CHD5: variants seen among roughly 807,000 people sequenced by gnomAD.
CHD5 encodes the protein ATP-dependent chromatin remodeler CHD5.
A neutral mutation model predicts 230.3 loss-of-function variants in CHD5; 69 were observed. The observed-to-expected ratio is 0.30, with a 90% CI of 0.25 to 0.37. The LOEUF is 0.37. CHD5 is among the 10% of genes least tolerant of loss of function. The pLI, the probability that CHD5 is intolerant of heterozygous loss-of-function variation, is 1.00. For missense variants in CHD5, 1,827 were observed against 2,622.8 expected (o/e 0.70, Z 6.63); for synonymous variants, 1,064 against 1,065.9 (o/e 1.00, Z 0.03).
At chr1:6,139,626 C>G (rs1476914167) in intron 15 of CHD5, among the ~76,000 whole-genome samples, 1 of 151,764 alleles carries the variant, frequency 6.6e-6, no homozygotes, top group African/African-American at 2.4e-5. Flanking sequence ...TCATGGCGCA[C>G]TACAGCCTCG....
At chr1:6,139,836 C>CA (rs1242898616) in intron 15 of CHD5, among the ~76,000 whole-genome samples, 1 of 152,214 alleles carries the variant, frequency 6.6e-6, no homozygotes. Flanking sequence ...GGCAGGGTCC[C>CA]AGTGTGGCTC....
chr1:6,116,308 G>C (rs1268483529), intron 33 of CHD5, among the ~76,000 whole-genome samples: 1 of 152,076 alleles, frequency 6.6e-6, no homozygotes, highest in East Asian at 1.9e-4. Flanking sequence ...ATGAGTAATA[G>C]GAATTCCAGA....
At chr1:6,113,445 G>A in intron 33 of CHD5, 1 of 303,260 alleles carries the variant, frequency 3.3e-6, no homozygotes, top group Non-Finnish European at 6.8e-6. Context: ...GCACACAGAA[G>A]ATGAGTTCCC....
At chr1:6,106,838 GAGT>G in intron 38 of CHD5, 59 bp from the exon 39 acceptor site, 1 of 1,088,008 alleles carries the variant, frequency 9.2e-7, no homozygotes, top group South Asian at 1.4e-5. Flanking sequence ...AGGGATGGAG[GAGT>G]GGAAGGATGG....
chr1:6,102,086 G>C lies in CHD5; in HGVS notation c.*3388C>G. 2.6e-6 allele frequency: 1 copy of C among 386,356 alleles called. No homozygotes were observed. The highest frequency in any genetic ancestry group is 1.8e-5 in the South Asian group (1 of 54,426). 23.9% of individuals were successfully genotyped at this position (386,356 alleles called of 1,614,324 possible). The stretch of plus-strand genomic sequence containing the variant: ...TCTTAGCTGGGCCTGGGCCGGTGGA[G>C]TCTGCTCCCTCCACACCCCTGAACT... On this transcript the variant is annotated 3_prime_UTR_variant, in exon 42 of 42. Transcript: ENST00000262450.
rs375286553 is a variant in CHD5, at chr1:6,134,983, C to A, written c.2871-124G>T. The A allele has an allele frequency of 6.2e-6, 8 of 1,296,828 alleles. No homozygotes were observed. The East Asian group carries it at 9.3e-5, about 15-fold the overall frequency. The allele number at this position is 1,296,828 out of a possible 1,614,324, so 80.3% of individuals were successfully genotyped here. On this transcript the variant is annotated intron_variant, in intron 18 of 41. Transcript: ENST00000262450. The surrounding 1 kb of genome is among the most constrained non-coding windows in gnomAD (Gnocchi z 6.3). ...CATTTACAGAGAGACCCAAGGGACC[C>A]CCAAGAGGTGAAGCCACCGGCCTGG...
chr1:6,171,507 G>GC (rs112161942), intron 1 of CHD5, among the ~76,000 whole-genome samples: 31,203 of 151,458 alleles, frequency 0.21, 6,829 homozygotes, highest in African/African-American at 0.55. Flanking sequence ...CTATGACACT[G>GC]CCCCCCCCAA....
At chr1:6,112,086 T>A (rs919000468) in intron 35 of CHD5, 54 bp downstream of exon 35, 1 of 1,592,704 alleles carries the variant, frequency 6.3e-7, no homozygotes, top group Non-Finnish European at 8.6e-7. Context: ...TCTAGACTCC[T>A]GGGACCCACA....
chr1:6,107,037 T>C, intron 38 of CHD5, among the ~76,000 whole-genome samples: 1 of 61,610 alleles, frequency 1.6e-5, no homozygotes, highest in Non-Finnish European at 3.1e-5. Context: ...GGAGGGAAGA[T>C]GGAGGGATGG....
At position 6,125,175 on chromosome 1, in the gene CHD5, C is replaced by T; in HGVS notation, c.4319G>A (p.Gly1440Asp). 6.2e-7 allele frequency: 1 copy of T among 1,606,808 alleles called. No homozygotes were observed. Among genetic ancestry groups the T allele is most frequent in the Non-Finnish European group, 8.5e-7 (1 of 1,177,450 alleles). ...GTTGAAGGCGTCCTGCGGGGGCATG[C>T]CCCAGCGCATGATGGCGTTCAGAAA... ...KAFLNAIMRW[G>D]MPPQDAFNSH... The change falls in exon 29 of 42, where the codon GGC becomes GAC. Residue 1440 changes from glycine to aspartate, a missense_variant. By Grantham distance (94) the Gly-to-Asp change is moderately conservative. Coordinates refer to ENST00000262450, the MANE Select transcript of CHD5 (RefSeq NM_015557.3). This position sits in a 1 kb window ranked among gnomAD's most constrained non-coding sequence, Gnocchi z 6.7.
intron 35 of CHD5, 28 bp downstream of exon 35, chr1:6,112,112 C>T: frequency 6.2e-7 from 1 of 1,608,744 alleles, no homozygotes; most frequent in Non-Finnish European, 8.5e-7. Flanking sequence ...GAAGCCTCAG[C>T]TCTCTGCCCA....
intron 1 of CHD5, among the ~76,000 whole-genome samples, chr1:6,179,637 C>T (rs1667482113): frequency 6.7e-6 from 1 of 149,990 alleles, no homozygotes; most frequent in African/African-American, 2.4e-5. Context: ...CTGACCCTGA[C>T]AGCGCCGCGC....
intron 3 of CHD5, among the ~76,000 whole-genome samples, chr1:6,158,951 G>A (rs1488703462): frequency 9.8e-5 from 13 of 132,920 alleles, no homozygotes; most frequent in Non-Finnish European, 1.5e-5. Context: ...AGCTTGCAGT[G>A]AGCCGAGATC....
chr1:6,161,248 T>C (rs1038547369), intron 2 of CHD5, among the ~76,000 whole-genome samples: 3 of 152,008 alleles, frequency 2.0e-5, no homozygotes, highest in South Asian at 2.1e-4. Context: ...CAGGCCACAC[T>C]GTCAAGAGGG....
intron 6 of CHD5, 116 bp downstream of exon 6, chr1:6,152,296 G>T (rs1883605): frequency 2.5e-6 from 3 of 1,213,520 alleles, no homozygotes; most frequent in South Asian, 1.4e-5. Flanking sequence ...GGAGGGGTGC[G>T]ACCTGCCCCA....
intron 33 of CHD5, among the ~76,000 whole-genome samples, chr1:6,118,702 CTTT>C (rs59422054): frequency 2.7e-5 from 4 of 148,182 alleles, no homozygotes; most frequent in African/African-American, 7.4e-5. Flanking sequence ...TACTTCATTA[CTTT>C]TTTTTTTTTG....
At chr1:6,158,986 G>A (rs1297521039) in intron 3 of CHD5, among the ~76,000 whole-genome samples, 4 of 111,112 alleles carry the variant, frequency 3.6e-5, no homozygotes, top group Non-Finnish European at 5.1e-5. Flanking sequence ...CAGCCTGGGC[G>A]ACAGAGCGAG....
intron 33 of CHD5, among the ~76,000 whole-genome samples, chr1:6,120,894 C>T (rs1324635814): frequency 6.6e-6 from 1 of 151,222 alleles, no homozygotes; most frequent in East Asian, 2.0e-4. Flanking sequence ...CAGAGCGAAA[C>T]CCTTTCTCCA....
chr1:6,163,749 G>A (rs1351626829), intron 2 of CHD5, among the ~76,000 whole-genome samples: 1 of 152,180 alleles, frequency 6.6e-6, no homozygotes, highest in Non-Finnish European at 1.5e-5. Context: ...CAGAGACGCA[G>A]ACCAATAAGT....
Sources: gnomAD v4.1 joint callset for allele counts (sites outside exome capture counted in the v4.1 genomes callset) on GRCh38, gnomAD v4.1.1 for gene constraint, Gnocchi (gnomAD v3.1) non-coding constraint, MANE v1.5 for transcripts, NCBI Gene and HGNC (gene_info 2026-07-23, HGNC 2026-07-21) for gene names.